Variants in CTNNA3 observed in about 807,000 individuals in gnomAD.
CTNNA3 encodes catenin alpha 3.
Under a neutral mutation model 95.7 loss-of-function variants are expected in CTNNA3, and 76 were observed. The ratio of observed to expected loss-of-function variants is 0.79; its 90% CI spans 0.66 to 0.96. The LOEUF (loss-of-function observed/expected upper bound fraction) is 0.96. Among genes scored for constraint, CTNNA3 ranks in the 40% least tolerant of loss-of-function variants. The pLI is 0.00. For synonymous variants in CTNNA3, 431 were observed against 374.4 expected, an observed-to-expected ratio of 1.15 and a Z score of -1.74; for missense variants, 1,191 against 1,089.8, an observed-to-expected ratio of 1.09 and a Z score of -1.31.
At chr10:65,933,456 C>G (rs1204988407) in intron 17 of CTNNA3, among the ~76,000 whole-genome samples, 2 of 152,142 alleles carry the variant, frequency 1.3e-5, no homozygotes, top group Non-Finnish European at 2.9e-5. Context: ...AGGAATCAAG[C>G]TTAGAAGCCC....
intron 5 of CTNNA3, among the ~76,000 whole-genome samples, chr10:67,225,508 A>T (rs1302404987): frequency 6.6e-6 from 1 of 152,222 alleles, no homozygotes; most frequent in East Asian, 1.9e-4. Context: ...AGGAACTGGT[A>T]TCCACAGCTG....
chr10:67,392,730 A>G (rs1844553977), intron 5 of CTNNA3, among the ~76,000 whole-genome samples: 1 of 152,198 alleles, frequency 6.6e-6, no homozygotes, highest in Non-Finnish European at 1.5e-5. Context: ...GCAGCCATAA[A>G]AAATGATGAG....
intron 10 of CTNNA3, among the ~76,000 whole-genome samples, chr10:66,581,174 C>T (rs1233852453): frequency 6.6e-6 from 1 of 151,796 alleles, no homozygotes; most frequent in Non-Finnish European, 1.5e-5. Flanking sequence ...GACTGCATAT[C>T]TTTGCAATTG....
intron 5 of CTNNA3, among the ~76,000 whole-genome samples, chr10:67,442,901 T>C (rs1339919363): frequency 6.0e-5 from 9 of 149,406 alleles, no homozygotes; most frequent in African/African-American, 2.0e-4. Flanking sequence ...CCCATTAACT[T>C]GTCATTTAGC....
chr10:66,660,197 A>G (rs529180407), intron 9 of CTNNA3, among the ~76,000 whole-genome samples: 1 of 152,274 alleles, frequency 6.6e-6, no homozygotes, highest in East Asian at 1.9e-4. Flanking sequence ...CCATTTGCTC[A>G]TACAACTGGT....
intron 12 of CTNNA3, among the ~76,000 whole-genome samples, chr10:66,367,884 ATTATTATTATTATTATTATTATT>A (rs1564903328): frequency 0.032 from 668 of 20,632 alleles, 6 homozygotes; most frequent in Admixed American, 0.04. Flanking sequence ...AATAATAATT[ATTATTATTATTATTATTATTATT>A]ATTATTATTA....
At chr10:67,492,184 T>C (rs1838862963) in intron 5 of CTNNA3, among the ~76,000 whole-genome samples, 1 of 151,808 alleles carries the variant, frequency 6.6e-6, no homozygotes, top group Non-Finnish European at 1.5e-5. Context: ...TTCTGGGCAA[T>C]ATCAACATTT....
intron 13 of CTNNA3, among the ~76,000 whole-genome samples, chr10:66,258,407 G>T (rs149643007): frequency 8.5e-5 from 13 of 152,222 alleles, no homozygotes; most frequent in East Asian, 5.8e-4. Context: ...TTTGGGTATG[G>T]CTGTGTTTTA....
intron 12 of CTNNA3, among the ~76,000 whole-genome samples, chr10:66,368,110 C>T (rs12254196): frequency 7.6e-6 from 1 of 132,074 alleles, no homozygotes; most frequent in Non-Finnish European, 1.7e-5. Flanking sequence ...ACTTTCAAGT[C>T]ATTTCTCAAG....
At chr10:67,593,353 T>C (rs146898974) in intron 3 of CTNNA3, among the ~76,000 whole-genome samples, 2,777 of 152,306 alleles carry the variant, frequency 0.018, 95 homozygotes, top group African/African-American at 0.063. Flanking sequence ...TTAGGCAGTA[T>C]GGCCATTTTA....
chr10:67,222,061 C>T (rs1018196641), intron 5 of CTNNA3, among the ~76,000 whole-genome samples: 1 of 152,122 alleles, frequency 6.6e-6, no homozygotes, highest in Non-Finnish European at 1.5e-5. Context: ...TGATTGCTAA[C>T]CTTATGCCTT....
At chr10:67,394,014 C>T (rs547672952) in intron 5 of CTNNA3, among the ~76,000 whole-genome samples, 1 of 151,962 alleles carries the variant, frequency 6.6e-6, no homozygotes, top group African/African-American at 2.4e-5. Flanking sequence ...TTGCTGGGGG[C>T]AAAGGATATA....
intron 9 of CTNNA3, among the ~76,000 whole-genome samples, chr10:66,673,125 C>A (rs1011103932): frequency 6.6e-6 from 1 of 151,972 alleles, no homozygotes; most frequent in Non-Finnish European, 1.5e-5. Context: ...AGTACTGATT[C>A]AATCTATTGC....
At chr10:66,687,124 C>G (rs970563275) in intron 9 of CTNNA3, among the ~76,000 whole-genome samples, 2 of 151,386 alleles carry the variant, frequency 1.3e-5, no homozygotes, top group Admixed American at 1.3e-4. Flanking sequence ...ATGTATGTAC[C>G]AAATGAGTAT....
intron 9 of CTNNA3, among the ~76,000 whole-genome samples, chr10:66,715,990 A>G (rs71494001): frequency 0.032 from 4,938 of 152,206 alleles, 212 homozygotes; most frequent in East Asian, 0.22. Flanking sequence ...TATAAGGAAT[A>G]TCACATTTTA....
chr10:67,208,176 G>A (rs1267839897), intron 6 of CTNNA3, among the ~76,000 whole-genome samples: 1 of 151,942 alleles, frequency 6.6e-6, no homozygotes, highest in Non-Finnish European at 1.5e-5. Flanking sequence ...TCCAAGACCA[G>A]CCTGGCCAAG....
intron 7 of CTNNA3, chr10:66,926,597 G>A: frequency 1.2e-6 from 2 of 1,613,782 alleles, no homozygotes; most frequent in Non-Finnish European, 8.5e-7. Context: ...GGTATGTTTT[G>A]TCATTTTTCT....
chr10:67,059,072 C>T (rs184845510), intron 7 of CTNNA3, among the ~76,000 whole-genome samples: 246 of 152,294 alleles, frequency 1.6e-3, no homozygotes, highest in Non-Finnish European at 2.8e-3. Flanking sequence ...TATCTGCACA[C>T]ACAAATGAGT....
chr10:66,715,581 A>G (rs930135940), intron 9 of CTNNA3, among the ~76,000 whole-genome samples: 1 of 152,200 alleles, frequency 6.6e-6, no homozygotes, highest in Admixed American at 6.6e-5. Flanking sequence ...TGACAAATGA[A>G]AAGTATTATG....
Sources: gnomAD v4.1 joint callset for allele counts (sites outside exome capture counted in the v4.1 genomes callset) on GRCh38, gnomAD v4.1.1 for gene constraint, MANE v1.5 for transcripts, NCBI Gene and HGNC (gene_info 2026-07-23, HGNC 2026-07-21) for gene names.